Variants in RIMS2 observed in about 807,000 individuals in gnomAD.
RIMS2 encodes regulating synaptic membrane exocytosis 2.
A neutral mutation model predicts 174.4 loss-of-function variants in RIMS2; 59 were observed. The ratio of observed to expected loss-of-function variants is 0.34; its 90% CI spans 0.27 to 0.42. The LOEUF is 0.42. Among genes scored for constraint, RIMS2 ranks in the 10% least tolerant of loss-of-function variants. The probability of loss-of-function intolerance (pLI) is 1.00; values close to 1 mark genes in which losing one functional copy is unlikely to be tolerated. For missense variants in RIMS2, 1,620 were observed against 1,666.3 expected, an observed-to-expected ratio of 0.97 and a Z score of 0.48; for synonymous variants, 606 against 572.5, an observed-to-expected ratio of 1.06 and a Z score of -0.84.
intron 2 of RIMS2, among the ~76,000 whole-genome samples, chr8:103,705,007 A>C (rs4734081): frequency 6.6e-6 from 1 of 151,070 alleles, no homozygotes; most frequent in South Asian, 2.1e-4. Flanking sequence ...GGCTTGATTT[A>C]TTCTTGCTTT....
chr8:103,868,268 A>G (rs901092603), intron 3 of RIMS2, among the ~76,000 whole-genome samples: 4 of 152,118 alleles, frequency 2.6e-5, no homozygotes, highest in African/African-American at 9.6e-5. Flanking sequence ...GAAAACTACA[A>G]GGTGAAAAAC....
chr8:104,198,566 A>G (rs1457304909), intron 19 of RIMS2, among the ~76,000 whole-genome samples: 2 of 152,228 alleles, frequency 1.3e-5, no homozygotes, highest in Non-Finnish European at 2.9e-5. Flanking sequence ...TAATTCTTAC[A>G]AATGTTTTTC....
chr8:103,862,099 AT>A lies in RIMS2; in HGVS notation c.699-23198del, dbSNP rs2099062021. On this transcript the variant is annotated intron_variant, in intron 3 of 23. Transcript: ENST00000504942. ...TCCTAGGCTGTTTTCTAGGGCTTTT[AT>A]AGTTTCAGGTCTTACATGTAATTAT... Among the ~76,000 whole-genome samples, 20 of 152,118 alleles carry A rather than the reference AT, an allele frequency of 1.3e-4. No homozygotes were observed. The South Asian group carries it at 2.9e-3, about 22-fold the overall frequency.
intron 1 of RIMS2, among the ~76,000 whole-genome samples, chr8:103,660,542 A>G (rs563412304): frequency 8.5e-5 from 13 of 152,264 alleles, no homozygotes; most frequent in African/African-American, 2.6e-4. Flanking sequence ...GAATGAAATC[A>G]GGGGGCTGTA....
chr8:104,104,421 G>A (rs2097988403), intron 19 of RIMS2, among the ~76,000 whole-genome samples: 1 of 152,150 alleles, frequency 6.6e-6, no homozygotes, highest in African/African-American at 2.4e-5. Flanking sequence ...GAGTTTTGAT[G>A]GATGGGGTTG....
At chr8:104,089,142 T>G (rs559223481) in intron 19 of RIMS2, among the ~76,000 whole-genome samples, 2 of 152,096 alleles carry the variant, frequency 1.3e-5, no homozygotes, top group African/African-American at 4.8e-5. Context: ...CTTCTTTGTT[T>G]TTGTTCCATT....
At position 104,248,335 on chromosome 8, in the gene RIMS2, T is replaced by C. The variant is rs377254430; in HGVS notation, c.3477-366T>C. Among the ~76,000 whole-genome samples, 51 of 152,188 alleles carry C rather than the reference T, an allele frequency of 3.4e-4. 1 individual carries two copies. In the South Asian group the frequency reaches 0.01, roughly 31 times the overall value. On this transcript the variant is annotated intron_variant, in intron 20 of 23. Coordinates refer to ENST00000504942, the Ensembl canonical transcript of RIMS2. Reference sequence around the variant, plus strand: ...TTCTTCGTGTATGAAATAGGAGAAATAATAGAATCTATCATAGTGCAGCTA... The same window carrying C: ...TTCTTCGTGTATGAAATAGGAGAAACAATAGAATCTATCATAGTGCAGCTA...
At chr8:103,775,942 A>G (rs1489627236) in intron 3 of RIMS2, among the ~76,000 whole-genome samples, 1 of 152,164 alleles carries the variant, frequency 6.6e-6, no homozygotes, top group Non-Finnish European at 1.5e-5. Flanking sequence ...CCTTCATTTA[A>G]GTGACCTATA....
intron 3 of RIMS2, among the ~76,000 whole-genome samples, chr8:103,800,221 T>TG (rs768733476): frequency 9.2e-5 from 14 of 151,906 alleles, no homozygotes; most frequent in Non-Finnish European, 1.0e-4. Context: ...TACCACACTG[T>TG]AATTTTTTTT....
chr8:104,015,382 T>C (rs1565859551), intron 19 of RIMS2: 2 of 669,780 alleles, frequency 3.0e-6, no homozygotes, highest in Non-Finnish European at 5.4e-6. Context: ...TTTTGTTTGT[T>C]TGTTTTTGTT....
chr8:103,512,267 A>G (rs1416941887), intron 1 of RIMS2, among the ~76,000 whole-genome samples: 1 of 152,214 alleles, frequency 6.6e-6, no homozygotes, highest in Non-Finnish European at 1.5e-5. Context: ...GCCAACTGCA[A>G]AGGAGAAATG....
At chr8:103,921,289 T>A (rs894161871) in intron 9 of RIMS2, among the ~76,000 whole-genome samples, 1 of 152,232 alleles carries the variant, frequency 6.6e-6, no homozygotes, top group Non-Finnish European at 1.5e-5. Flanking sequence ...TTTGCAAATG[T>A]AGTCTGTCTT....
At chr8:103,949,563 C>G (rs981117653) in intron 14 of RIMS2, among the ~76,000 whole-genome samples, 4 of 152,024 alleles carry the variant, frequency 2.6e-5, no homozygotes, top group Non-Finnish European at 4.4e-5. Flanking sequence ...AGAAGTTAAA[C>G]AGGAAATTAA....
chr8:103,774,092 A>C (rs1356658611), intron 3 of RIMS2, among the ~76,000 whole-genome samples: 1 of 152,170 alleles, frequency 6.6e-6, no homozygotes, highest in Non-Finnish European at 1.5e-5. Flanking sequence ...CAGTGAGCTG[A>C]GATTGCACCA....
intron 4 of RIMS2, among the ~76,000 whole-genome samples, chr8:103,893,904 T>A (rs545504277): frequency 6.6e-6 from 1 of 152,202 alleles, no homozygotes; most frequent in African/African-American, 2.4e-5. Flanking sequence ...AGCCATGCTG[T>A]GGCATTTCAT....
intron 1 of RIMS2, among the ~76,000 whole-genome samples, chr8:103,504,160 TACTG>T (rs933361934): frequency 4.6e-5 from 7 of 152,222 alleles, no homozygotes; most frequent in African/African-American, 1.4e-4. Flanking sequence ...AATGTCCTTT[TACTG>T]ACTAATGTTT....
chr8:104,188,905 C>T (rs189918953), intron 19 of RIMS2, among the ~76,000 whole-genome samples: 1 of 151,924 alleles, frequency 6.6e-6, no homozygotes, highest in Admixed American at 6.6e-5. Flanking sequence ...ACTGGGACTG[C>T]TAGTGAGCAT....
chr8:103,966,426 G>C (rs949169581), intron 15 of RIMS2, among the ~76,000 whole-genome samples: 2 of 152,026 alleles, frequency 1.3e-5, no homozygotes, highest in Non-Finnish European at 2.9e-5. Context: ...TTTCATAATA[G>C]TCCTTTATTA....
At chr8:103,673,861 C>T (rs1411363056) in intron 1 of RIMS2, among the ~76,000 whole-genome samples, 1 of 152,198 alleles carries the variant, frequency 6.6e-6, no homozygotes, top group Non-Finnish European at 1.5e-5. Context: ...GCAGATTTTC[C>T]AAACTTTTAG....
Sources: allele counts gnomAD v4.1 joint callset (sites outside exome capture counted in the v4.1 genomes callset), GRCh38; gene constraint gnomAD v4.1.1; transcripts MANE v1.5; gene names NCBI Gene and HGNC (gene_info 2026-07-23, HGNC 2026-07-21).